Variants in OR13G1 observed in about 807,000 individuals in gnomAD.
The protein encoded by OR13G1 is olfactory receptor 13G1.
For missense variants in OR13G1, 369 were observed against 385.7 expected (o/e 0.96, Z 0.36); for synonymous variants, 128 against 136.2 (o/e 0.94, Z 0.42).
At chr1:247,679,262 T>A (rs2103162779) in intron 1 of OR13G1, among the ~76,000 whole-genome samples, 1 of 152,282 alleles carries the variant, frequency 6.6e-6, no homozygotes, top group African/African-American at 2.4e-5. Flanking sequence ...AAGGACATAT[T>A]CTAAAACAAT....
At chr1:247,676,416 A>G (rs1390566355) in intron 1 of OR13G1, among the ~76,000 whole-genome samples, 1 of 152,082 alleles carries the variant, frequency 6.6e-6, no homozygotes, top group Non-Finnish European at 1.5e-5. Flanking sequence ...ATAATAATTT[A>G]AGAATAACCA....
intron 1 of OR13G1, among the ~76,000 whole-genome samples, chr1:247,679,131 A>G (rs1453860441): frequency 6.6e-6 from 1 of 152,150 alleles, no homozygotes; most frequent in Non-Finnish European, 1.5e-5. Flanking sequence ...GAGTAAATGA[A>G]ACCCTTGTAA....
chr1:247,672,155 GC>G lies in OR13G1; in HGVS notation c.886del (p.Ala296GlnfsTer10). On this transcript the variant is annotated frameshift_variant, in exon 2 of 2. Coordinates refer to ENST00000642119, the MANE Select transcript of OR13G1 (RefSeq NM_001005487.2). LOFTEE classifies it low-confidence loss of function (END_TRUNC). Reference protein sequence around the residue: ...VYSFQNREMQAGIRKVFAFLK... With the variant: ...VYSFQNREMQXGIRKVFAFLK... The stretch of plus-strand genomic sequence containing the variant: ...AAATGCAAACACCTTCCTAATTCCT[GC>G]CTGCATCTCCCTATTCTGGAAGCTG... 6.2e-7 allele frequency: 1 copy of G among 1,613,920 alleles called. No individual in the cohort carries two copies. Among genetic ancestry groups the G allele is most frequent in the Middle Eastern group, 1.7e-4 (1 of 6,060 alleles).
At chr1:247,673,919 GA>G (rs1242457846) in intron 1 of OR13G1, among the ~76,000 whole-genome samples, 3 of 152,050 alleles carry the variant, frequency 2.0e-5, no homozygotes, top group Admixed American at 2.0e-4. Context: ...ATTTCTAAAG[GA>G]TACCCAAGCA....
chr1:247,672,132 A>T lies in OR13G1; in HGVS notation c.910T>A (p.Phe304Ile). 1.2e-6 allele frequency: 2 copies of T among 1,612,808 alleles called. No homozygotes were observed. The highest frequency in any genetic ancestry group is 8.5e-7 in the Non-Finnish European group (1 of 1,179,334). Residue 304 changes from phenylalanine to isoleucine, a missense_variant, in exon 2 of 2, where the codon TTT becomes ATT. Physicochemically the swap from Phe to Ile is conservative, Grantham distance 21. Transcript: ENST00000642119. ...TGTTGAAACTACTAGTGTTTCAGAAATGCAAACACCTTCCTAATTCCTGCC... is the reference window on the plus strand; with the variant it reads ...TGTTGAAACTACTAGTGTTTCAGAATTGCAAACACCTTCCTAATTCCTGCC... Reference protein sequence around the residue: ...MQAGIRKVFAFLKH With the variant: ...MQAGIRKVFAILKH
At chr1:247,678,489 C>G (rs1317688177) in intron 1 of OR13G1, among the ~76,000 whole-genome samples, 1 of 152,210 alleles carries the variant, frequency 6.6e-6, no homozygotes, top group African/African-American at 2.4e-5. Context: ...TTTCCTCGTA[C>G]TCTCATATTC....
Position 247,671,539 on chromosome 1 carries a change from T to G in OR13G1, c.*579A>C. On this transcript the variant is annotated 3_prime_UTR_variant, in exon 2 of 2. Coordinates refer to ENST00000642119, the MANE Select transcript of OR13G1 (RefSeq NM_001005487.2). ...AGGACTGGAGTAATATTCTGTCACT[T>G]TTTCCTGAACACATGGAGACTTTAG... 6.5e-6 allele frequency: 1 copy of G among 154,936 alleles called. No individual in the cohort carries two copies. Among genetic ancestry groups the G allele is most frequent in the South Asian group, 2.0e-4 (1 of 5,018 alleles). 9.6% of individuals were successfully genotyped at this position (154,936 alleles called of 1,614,324 possible).
intron 1 of OR13G1, among the ~76,000 whole-genome samples, chr1:247,676,512 C>T (rs753576728): frequency 3.6e-4 from 54 of 151,902 alleles, no homozygotes; most frequent in Non-Finnish European, 6.9e-4. Context: ...TATTTAAAGG[C>T]CACAGTTTAT....
Position 247,672,171 on chromosome 1 carries a change from T to C in OR13G1, c.871A>G (p.Asn291Asp). ...TLNPMVYSFQ[N>D]REMQAGIRKV... ...CTAATTCCTGCCTGCATCTCCCTAT[T>C]CTGGAAGCTGTACACCATCGGGTTT... The change falls in exon 2 of 2, where the codon AAT becomes GAT. Residue 291 changes from asparagine to aspartate, a missense_variant. Asn to Asp is a conservative substitution (Grantham distance 23). Coordinates refer to ENST00000642119, the MANE Select transcript of OR13G1 (RefSeq NM_001005487.2). The C allele has an allele frequency of 1.2e-6, 2 of 1,614,044 alleles. No individual in the cohort carries two copies. The highest frequency in any genetic ancestry group is 1.7e-6 in the Non-Finnish European group (2 of 1,179,968).
chr1:247,672,582 A>G lies in OR13G1; in HGVS notation c.460T>C (p.Trp154Arg), dbSNP rs1659232487. The G allele has an allele frequency of 1.9e-6, 3 of 1,614,088 alleles. No individual in the cohort carries two copies. Among genetic ancestry groups the G allele is most frequent in the Non-Finnish European group, 2.5e-6 (3 of 1,179,982 alleles). Reference sequence around the variant, plus strand: ...CTCATGATAAGAGCTGTGTGCACCCAGGAATTGGTGACTGCAATAGCCATG... The same window carrying G: ...CTCATGATAAGAGCTGTGTGCACCCGGGAATTGGTGACTGCAATAGCCATG... ...MVMAIAVTNS[W>R]VHTALIMRLT... Residue 154 changes from tryptophan to arginine, a missense_variant, in exon 2 of 2, where the codon TGG becomes CGG. By Grantham distance (101) the Trp-to-Arg change is moderately radical. Coordinates refer to ENST00000642119, the MANE Select transcript of OR13G1 (RefSeq NM_001005487.2).
Position 247,672,152 on chromosome 1 carries a change from CCT to C in OR13G1, c.888_889del (p.Gly297AsnfsTer2). ...CAGAAATGCAAACACCTTCCTAATT[CCT>C]GCCTGCATCTCCCTATTCTGGAAGC... On this transcript the variant is annotated frameshift_variant, in exon 2 of 2. Coordinates refer to ENST00000642119, the MANE Select transcript of OR13G1 (RefSeq NM_001005487.2). LOFTEE classifies it high-confidence loss of function. 1 of 1,613,870 alleles carries C rather than the reference CCT, an allele frequency of 6.2e-7. No individual in the cohort carries two copies.
intron 1 of OR13G1, among the ~76,000 whole-genome samples, chr1:247,679,144 T>C (rs1176008): frequency 0.51 from 76,825 of 151,538 alleles, 19,545 homozygotes; most frequent in Admixed American, 0.61. Context: ...CCTTGTAAGG[T>C]TCTATTTTTG....
chr1:247,676,663 A>G (rs1353217036), intron 1 of OR13G1, among the ~76,000 whole-genome samples: 1 of 152,206 alleles, frequency 6.6e-6, no homozygotes, highest in African/African-American at 2.4e-5. Context: ...TTATAAAACA[A>G]TTTTATATAG....
At position 247,672,920 on chromosome 1, in the gene OR13G1, A is replaced by G; in HGVS notation, c.122T>C (p.Leu41Pro). 2 of 1,614,080 alleles carry G rather than the reference A, an allele frequency of 1.2e-6. No homozygotes were observed. The highest frequency in any genetic ancestry group is 8.5e-7 in the Non-Finnish European group (1 of 1,179,946). ...VYLVAFLGNM[L>P]IIIAKIYNNT... ...GTTATAGATTTTGGCAATGATGATG[A>G]GCATGTTGCCGAGAAAAGCCACAAG... Residue 41 changes from leucine to proline, a missense_variant, in exon 2 of 2, where the codon CTC (leucine) becomes CCC (proline). Physicochemically the swap from Leu to Pro is moderately conservative, Grantham distance 98. Coordinates refer to ENST00000642119, the MANE Select transcript of OR13G1 (RefSeq NM_001005487.2).
In OR13G1 at chr1:247,671,529, T is replaced by TAGA; in HGVS notation, c.*588_*589insTCT. 6.5e-6 allele frequency: 1 copy of TAGA among 154,932 alleles called. No homozygotes were observed. The highest frequency in any genetic ancestry group is 2.0e-4 in the South Asian group (1 of 5,030). The allele number at this position is 154,932 out of a possible 1,614,324, so 9.6% of individuals were successfully genotyped here. A position where few individuals can be genotyped will look rare whatever the true frequency, so the allele number is the denominator to read the frequency against. ...CTGGTTTAAAAGGACTGGAGTAATA[T>TAGA]TCTGTCACTTTTTCCTGAACACATG... On this transcript the variant is annotated 3_prime_UTR_variant, in exon 2 of 2. Coordinates refer to ENST00000642119, the MANE Select transcript of OR13G1 (RefSeq NM_001005487.2).
Position 247,671,952 on chromosome 1 carries a change from C to G in OR13G1, c.*166G>C. ...TGCATATTGCTTTATGAATATTCTT[C>G]ACATAAAGAGTACAGAATTTTGGAG... On this transcript the variant is annotated 3_prime_UTR_variant, in exon 2 of 2. Coordinates refer to ENST00000642119, the MANE Select transcript of OR13G1 (RefSeq NM_001005487.2). The G allele has an allele frequency of 1.7e-6, 1 of 589,258 alleles. No individual in the cohort carries two copies. Among genetic ancestry groups the G allele is most frequent in the Non-Finnish European group, 3.0e-6 (1 of 334,728 alleles). The allele number at this position is 589,258 out of a possible 1,614,324, so 36.5% of individuals were successfully genotyped here. A position where few individuals can be genotyped will look rare whatever the true frequency, so the allele number is the denominator to read the frequency against.
chr1:247,674,707 A>T (rs1659307350), intron 1 of OR13G1, among the ~76,000 whole-genome samples: 1 of 152,138 alleles, frequency 6.6e-6, no homozygotes, highest in South Asian at 2.1e-4. Flanking sequence ...TAATATTTTT[A>T]TCTTTATGTA....
rs1558292487 is a variant in OR13G1, at chr1:247,672,098, GATGTTGC to G, written c.*13_*19del. On this transcript the variant is annotated 3_prime_UTR_variant, in exon 2 of 2. Coordinates refer to ENST00000642119, the MANE Select transcript of OR13G1 (RefSeq NM_001005487.2). ...GAAGATGGTTCTGGAGTACAGAAGT[GATGTTGC>G]ATGTTGAAACTACTAGTGTTTCAGA... 1 of 1,585,688 alleles carries G rather than the reference GATGTTGC, an allele frequency of 6.3e-7. No homozygotes were observed. Among genetic ancestry groups the G allele is most frequent in the Non-Finnish European group, 8.6e-7 (1 of 1,159,954 alleles).
chr1:247,677,636 G>A (rs1370704788), intron 1 of OR13G1, among the ~76,000 whole-genome samples: 2 of 152,174 alleles, frequency 1.3e-5, no homozygotes, highest in Non-Finnish European at 2.9e-5. Context: ...ATTTTGTCTG[G>A]CAGGATGCAG....
Sources: gnomAD v4.1 joint callset for allele counts (sites outside exome capture counted in the v4.1 genomes callset) on GRCh38, gnomAD v4.1.1 for gene constraint, MANE v1.5 for transcripts, NCBI Gene and HGNC (gene_info 2026-07-23, HGNC 2026-07-21) for gene names.